Variants in PKNOX2 observed in about 807,000 individuals in gnomAD.
PKNOX2 encodes the protein PBX/knotted 1 homeobox 2.
In PKNOX2, 14 loss-of-function variants were observed where a neutral mutation model predicts 53.1. The observed-to-expected ratio is 0.26, with a 90% CI of 0.17 to 0.41. The LOEUF (loss-of-function observed/expected upper bound fraction) is 0.41, where lower values mean the gene tolerates loss of function less well. Ranked by LOEUF, PKNOX2 falls within the 10% of genes least tolerant of loss-of-function variation. PKNOX2 has a pLI of 1.00. For synonymous variants in PKNOX2, 257 were observed against 242.8 expected (o/e 1.06, Z -0.54); for missense variants, 496 against 602.8 (o/e 0.82, Z 1.85).
At chr11:125,418,476 C>A (rs1956005752) in intron 10 of PKNOX2, among the ~76,000 whole-genome samples, 1 of 152,040 alleles carries the variant, frequency 6.6e-6, no homozygotes, top group Non-Finnish European at 1.5e-5. Context: ...ATCCTTCCCC[C>A]AGCCTGAGAA....
At chr11:125,232,502 A>G (rs1942298235) in intron 1 of PKNOX2, among the ~76,000 whole-genome samples, 1 of 152,248 alleles carries the variant, frequency 6.6e-6, no homozygotes, top group African/African-American at 2.4e-5. Flanking sequence ...TAACTTGCCC[A>G]TGGTCAAGCC....
At chr11:125,261,997 G>C (rs913611143) in intron 2 of PKNOX2, among the ~76,000 whole-genome samples, 2 of 152,210 alleles carry the variant, frequency 1.3e-5, no homozygotes, top group African/African-American at 2.4e-5. Context: ...AGGAGGGTGC[G>C]GGGATGCAGA....
At chr11:125,184,550 A>G (rs1956338827) in intron 1 of PKNOX2, among the ~76,000 whole-genome samples, 1 of 152,164 alleles carries the variant, frequency 6.6e-6, no homozygotes, top group South Asian at 2.1e-4. Flanking sequence ...CAAAGACCCT[A>G]CTGTGTGGTG....
intron 2 of PKNOX2, among the ~76,000 whole-genome samples, chr11:125,314,752 A>G (rs1444049891): frequency 6.6e-6 from 1 of 152,000 alleles, no homozygotes; most frequent in Non-Finnish European, 1.5e-5. Flanking sequence ...CCTGCCCCCG[A>G]GAGGACAAAA....
chr11:125,411,557 T>A, intron 9 of PKNOX2, 189 bp from the exon 10 acceptor site: 3 of 530,280 alleles, frequency 5.7e-6, no homozygotes, highest in Admixed American at 2.6e-5. Context: ...CCTTCTCCCA[T>A]CACCCAAGCC....
At chr11:125,253,274 CA>C (rs1944144848) in intron 2 of PKNOX2, among the ~76,000 whole-genome samples, 1 of 151,804 alleles carries the variant, frequency 6.6e-6, no homozygotes, top group South Asian at 2.1e-4. Context: ...TCAGTCCTAT[CA>C]TGTAGATATT....
chr11:125,413,288 C>T (rs936408983), intron 10 of PKNOX2, among the ~76,000 whole-genome samples: 2 of 152,322 alleles, frequency 1.3e-5, no homozygotes, highest in Non-Finnish European at 2.9e-5. Flanking sequence ...GCAGCAGGTC[C>T]AGCCTCAGGC....
intron 10 of PKNOX2, among the ~76,000 whole-genome samples, chr11:125,419,415 A>G (rs1419029702): frequency 6.6e-6 from 1 of 150,670 alleles, no homozygotes; most frequent in South Asian, 2.1e-4. Flanking sequence ...ACTTTTGGGG[A>G]ACCTATGGAG....
intron 2 of PKNOX2, among the ~76,000 whole-genome samples, chr11:125,301,166 G>A (rs936687290): frequency 3.9e-5 from 6 of 152,158 alleles, no homozygotes; most frequent in African/African-American, 1.2e-4. Flanking sequence ...AGCGCTGTTT[G>A]GAGCTCAGAT....
chr11:125,177,776 G>T (rs1412256591), intron 1 of PKNOX2, among the ~76,000 whole-genome samples: 1 of 152,286 alleles, frequency 6.6e-6, no homozygotes, highest in East Asian at 1.9e-4. Context: ...GGGGAGCACA[G>T]CTAGAATGGC....
intron 1 of PKNOX2, among the ~76,000 whole-genome samples, chr11:125,222,856 C>T (rs1457097037): frequency 1.3e-5 from 2 of 151,974 alleles, no homozygotes; most frequent in Non-Finnish European, 2.9e-5. Flanking sequence ...TTTCATCTTG[C>T]TTTCTGCATT....
chr11:125,396,370 G>A (rs1954401649), intron 6 of PKNOX2, among the ~76,000 whole-genome samples: 1 of 151,830 alleles, frequency 6.6e-6, no homozygotes, highest in Non-Finnish European at 1.5e-5. Flanking sequence ...TTATGTCTTT[G>A]ATCCATTTTG....
intron 1 of PKNOX2, among the ~76,000 whole-genome samples, chr11:125,215,683 C>G (rs1276416640): frequency 1.3e-5 from 2 of 149,928 alleles, no homozygotes; most frequent in African/African-American, 4.9e-5. Flanking sequence ...ACCTGGGAGG[C>G]AGAGGTTGCA....
intron 1 of PKNOX2, chr11:125,191,425 C>A (rs1227845001): frequency 6.6e-6 from 1 of 152,240 alleles, no homozygotes; most frequent in Non-Finnish European, 1.5e-5. Context: ...ACAGCCTCAG[C>A]AACGTCCAAG....
At chr11:125,389,024 G>T (rs1267129899) in intron 6 of PKNOX2, among the ~76,000 whole-genome samples, 1 of 152,106 alleles carries the variant, frequency 6.6e-6, no homozygotes, top group South Asian at 2.1e-4. Flanking sequence ...GCGAAACCTC[G>T]TCTCTACTAA....
chr11:125,189,788 G>T (rs1316824222), intron 1 of PKNOX2, among the ~76,000 whole-genome samples: 1 of 151,376 alleles, frequency 6.6e-6, no homozygotes, highest in Non-Finnish European at 1.5e-5. Context: ...GGTCTTCTAG[G>T]CTTGAGATCT....
At chr11:125,239,552 T>C (rs1942991279) in intron 2 of PKNOX2, 1 of 152,242 alleles carries the variant, frequency 6.6e-6, no homozygotes, top group Admixed American at 6.5e-5. Context: ...TGAAACACTT[T>C]GGATCTTCCC....
chr11:125,303,082 G>A (rs2135966337), intron 2 of PKNOX2, among the ~76,000 whole-genome samples: 1 of 152,250 alleles, frequency 6.6e-6, no homozygotes, highest in Non-Finnish European at 1.5e-5. Flanking sequence ...CCCATGCTGG[G>A]TGCTGAGAGC....
At chr11:125,209,682 GGGA>G (rs1440407656) in intron 1 of PKNOX2, among the ~76,000 whole-genome samples, 1 of 152,040 alleles carries the variant, frequency 6.6e-6, no homozygotes. Context: ...AGGCTGGAGG[GGGA>G]GGAGGATGAC....
Sources: gnomAD v4.1 joint callset for allele counts (sites outside exome capture counted in the v4.1 genomes callset) on GRCh38, gnomAD v4.1.1 for gene constraint, MANE v1.5 for transcripts, NCBI Gene and HGNC (gene_info 2026-07-23, HGNC 2026-07-21) for gene names.